The following CABLES1 variants were observed in gnomAD, a reference collection of about 807,000 sequenced individuals.
The protein encoded by CABLES1 is CDK5 and ABL1 enzyme substrate 1.
A neutral mutation model predicts 57.8 loss-of-function variants in CABLES1; 36 were observed. The ratio of observed to expected loss-of-function variants is 0.62; its 90% CI spans 0.48 to 0.82. The LOEUF (loss-of-function observed/expected upper bound fraction) is 0.82, where lower values mean the gene tolerates loss of function less well. Among genes scored for constraint, CABLES1 ranks in the 40% least tolerant of loss-of-function variants. The pLI, the probability that CABLES1 is intolerant of heterozygous loss-of-function variation, is 0.00. For synonymous variants in CABLES1, 374 were observed against 363.0 expected, an observed-to-expected ratio of 1.03 and a Z score of -0.35; for missense variants, 767 against 836.6, an observed-to-expected ratio of 0.92 and a Z score of 1.03.
intron 7 of CABLES1, among the ~76,000 whole-genome samples, chr18:23,247,639 T>C (rs538319998): frequency 3.9e-5 from 6 of 152,214 alleles, no homozygotes; most frequent in Non-Finnish European, 8.8e-5. Flanking sequence ...TCCTAACCAG[T>C]GTGCACTGGG....
intron 1 of CABLES1, among the ~76,000 whole-genome samples, chr18:23,151,175 CGCCCG>C (rs754073564): frequency 8.6e-5 from 13 of 152,010 alleles, no homozygotes; most frequent in African/African-American, 1.4e-4. Context: ...CCCGCCACCA[CGCCCG>C]GCTAATTTTT....
In CABLES1 at chr18:23,135,689, C is replaced by T. The variant is rs1345805451; in HGVS notation, c.-74C>T. 1.1e-5 allele frequency: 11 copies of T among 982,166 alleles called. No individual in the cohort carries two copies. The highest frequency in any genetic ancestry group is 1.3e-5 in the Non-Finnish European group (11 of 828,942). 60.8% of individuals were successfully genotyped at this position (982,166 alleles called of 1,614,324 possible). On this transcript the variant is annotated 5_prime_UTR_variant, in exon 1 of 10. Transcript: ENST00000256925. ...CTACCCAGCCCGGGTCGCCGCCGCT[C>T]GCGCCCGCCGCTTAGCGCTCGGGCG...
At chr18:23,150,103 A>G (rs1278480070) in intron 1 of CABLES1, 1 of 150,008 alleles carries the variant, frequency 6.7e-6, no homozygotes, top group East Asian at 2.0e-4. Flanking sequence ...TCCCTTTTGC[A>G]TTGGCTTTCC....
chr18:23,236,270 A>ACGTGG (rs1331250851), intron 6 of CABLES1, among the ~76,000 whole-genome samples: 2 of 152,206 alleles, frequency 1.3e-5, no homozygotes, highest in Admixed American at 1.3e-4. Context: ...CTGAGCTTCC[A>ACGTGG]CGTGGAGAGA....
At chr18:23,202,980 C>T (rs2047336600) in intron 3 of CABLES1, among the ~76,000 whole-genome samples, 1 of 139,902 alleles carries the variant, frequency 7.1e-6, no homozygotes, top group African/African-American at 2.8e-5. Context: ...GAGCAAGACT[C>T]CATCAAAAAA....
At chr18:23,150,596 C>T (rs886901107) in intron 1 of CABLES1, among the ~76,000 whole-genome samples, 3 of 151,972 alleles carry the variant, frequency 2.0e-5, no homozygotes, top group Non-Finnish European at 4.4e-5. Flanking sequence ...TATGGGGGAG[C>T]CCCGGAGGGG....
chr18:23,243,076 TATATAGA>T (rs1341463607), intron 7 of CABLES1, among the ~76,000 whole-genome samples: 3 of 150,782 alleles, frequency 2.0e-5, no homozygotes, highest in African/African-American at 7.3e-5. Context: ...TATTATAATT[TATATAGA>T]ATATAGAACT....
chr18:23,219,773 G>A (rs188680602), intron 4 of CABLES1, among the ~76,000 whole-genome samples: 15 of 152,346 alleles, frequency 9.8e-5, no homozygotes, highest in Admixed American at 9.8e-4. Flanking sequence ...TGTCAGTGCT[G>A]CTGATGCAGA....
intron 7 of CABLES1, among the ~76,000 whole-genome samples, chr18:23,242,266 GAAACTCTGTCTCA>G (rs2047754413): frequency 1.3e-5 from 2 of 152,188 alleles, no homozygotes; most frequent in East Asian, 1.9e-4. Context: ...TGACGAGAAT[GAAACTCTGTCTCA>G]AAAAAAAAAT....
At chr18:23,178,104 G>T (rs1004496086) in intron 1 of CABLES1, among the ~76,000 whole-genome samples, 2 of 151,992 alleles carry the variant, frequency 1.3e-5, no homozygotes, top group Admixed American at 1.3e-4. Context: ...TCCTGTCCTG[G>T]CTGGGCCCCC....
chr18:23,233,558 G>T lies in CABLES1; in HGVS notation c.1089-1050G>T, dbSNP rs1434140528. 1.3e-5 allele frequency among the ~76,000 whole-genome samples: 2 copies of T among 152,154 alleles called. 1 individual carries two copies. The highest frequency in any genetic ancestry group is 1.3e-4 in the Admixed American group (2 of 15,268). On this transcript the variant is annotated intron_variant, in intron 4 of 9. Coordinates refer to ENST00000256925, the MANE Select transcript of CABLES1 (RefSeq NM_001100619.3). ...GGAAATAGTAAAGTGCTAAATAAAT[G>T]CTTGTTTGGCCAGGCATGGTAGCTC...
At chr18:23,246,403 T>G (rs542595621) in intron 7 of CABLES1, among the ~76,000 whole-genome samples, 1 of 152,250 alleles carries the variant, frequency 6.6e-6, no homozygotes, top group South Asian at 2.1e-4. Flanking sequence ...TTTTTGGTTT[T>G]TTTTTTGAGA....
chr18:23,244,256 T>C (rs552615285), intron 7 of CABLES1, among the ~76,000 whole-genome samples: 1 of 152,332 alleles, frequency 6.6e-6, no homozygotes, highest in Admixed American at 6.5e-5. Flanking sequence ...TGACAAATAT[T>C]TGACACTGAA....
intron 7 of CABLES1, among the ~76,000 whole-genome samples, chr18:23,240,172 C>T (rs1263679108): frequency 6.6e-6 from 1 of 152,030 alleles, no homozygotes; most frequent in Non-Finnish European, 1.5e-5. Context: ...GGACGTGGGC[C>T]CCAGGGGGTA....
chr18:23,242,327 C>T (rs985959929), intron 7 of CABLES1, among the ~76,000 whole-genome samples: 7 of 152,090 alleles, frequency 4.6e-5, no homozygotes, highest in African/African-American at 1.7e-4. Flanking sequence ...GCAGCTGGCC[C>T]GGTGGTTTGG....
At chr18:23,158,292 ACCCT>A (rs912172542) in intron 1 of CABLES1, among the ~76,000 whole-genome samples, 5 of 152,200 alleles carry the variant, frequency 3.3e-5, no homozygotes, top group Middle Eastern at 6.8e-3. Context: ...TCAGAGCAAG[ACCCT>A]GTCTCAAAAA....
At chr18:23,139,072 TTTATA>T (rs2046841414) in intron 1 of CABLES1, among the ~76,000 whole-genome samples, 1 of 152,136 alleles carries the variant, frequency 6.6e-6, no homozygotes, top group African/African-American at 2.4e-5. Context: ...AATTTGAGGT[TTTATA>T]TATTGGGTTT....
intron 1 of CABLES1, among the ~76,000 whole-genome samples, chr18:23,170,824 G>C (rs950767734): frequency 2.0e-5 from 3 of 152,116 alleles, no homozygotes; most frequent in African/African-American, 7.2e-5. Context: ...TGAGACAGAG[G>C]CTTGCTCTAT....
intron 1 of CABLES1, among the ~76,000 whole-genome samples, chr18:23,148,567 G>C (rs2046908151): frequency 1.3e-5 from 2 of 152,212 alleles, no homozygotes; most frequent in African/African-American, 2.4e-5. Context: ...GTGTGGCCTT[G>C]TTCAGAGATA....
Sources: allele counts gnomAD v4.1 joint callset (sites outside exome capture counted in the v4.1 genomes callset), GRCh38; gene constraint gnomAD v4.1.1; transcripts MANE v1.5; gene names NCBI Gene and HGNC (gene_info 2026-07-23, HGNC 2026-07-21).